DSCAM: variants seen among roughly 807,000 people sequenced by gnomAD.
DSCAM encodes DS cell adhesion molecule, also known as cell adhesion molecule DSCAM.
In DSCAM, 47 loss-of-function variants were observed where a neutral mutation model predicts 217.7. The observed-to-expected ratio is 0.22, with a 90% CI of 0.17 to 0.28. The LOEUF (loss-of-function observed/expected upper bound fraction) is 0.28, where lower values mean the gene tolerates loss of function less well. Ranked by LOEUF, DSCAM falls within the 10% of genes least tolerant of loss-of-function variation. The pLI is 1.00. For synonymous variants in DSCAM, 1,056 were observed against 1,015.3 expected (o/e 1.04, Z -0.76); for missense variants, 2,080 against 2,618.3 (o/e 0.79, Z 4.49).
chr21:40,690,214 G>A (rs1198094241), intron 3 of DSCAM, among the ~76,000 whole-genome samples: 3 of 152,194 alleles, frequency 2.0e-5, no homozygotes, highest in Non-Finnish European at 4.4e-5. Flanking sequence ...GCTGATGGGT[G>A]GAGCTCAGAC....
chr21:40,376,190 G>A (rs1364380483), intron 3 of DSCAM, among the ~76,000 whole-genome samples: 1 of 152,092 alleles, frequency 6.6e-6, no homozygotes, highest in African/African-American at 2.4e-5. Flanking sequence ...GCACAAGCAC[G>A]ATGAAGCTTT....
intron 11 of DSCAM, among the ~76,000 whole-genome samples, chr21:40,217,859 GGTTT>G (rs755386809): frequency 2.0e-5 from 3 of 151,676 alleles, no homozygotes; most frequent in Non-Finnish European, 2.9e-5. Context: ...TTAATGGGGT[GGTTT>G]GTTTTTTTCT....
At chr21:40,724,912 ATTTC>A (rs1282579840) in intron 1 of DSCAM, among the ~76,000 whole-genome samples, 7 of 152,188 alleles carry the variant, frequency 4.6e-5, no homozygotes, top group African/African-American at 1.7e-4. Flanking sequence ...GTTTTAAGTA[ATTTC>A]TTTCTTCATG....
intron 11 of DSCAM, among the ~76,000 whole-genome samples, chr21:40,251,781 T>G (rs911590629): frequency 2.6e-5 from 4 of 152,200 alleles, no homozygotes; most frequent in African/African-American, 9.7e-5. Flanking sequence ...CTTGATAAGC[T>G]CACATGATAT....
intron 1 of DSCAM, among the ~76,000 whole-genome samples, chr21:40,721,844 T>C (rs899184041): frequency 6.6e-6 from 1 of 151,960 alleles, no homozygotes; most frequent in East Asian, 1.9e-4. Flanking sequence ...CAGAAGCATG[T>C]AGAAAACCAC....
chr21:40,220,283 T>C (rs987772858), intron 11 of DSCAM, among the ~76,000 whole-genome samples: 1 of 152,204 alleles, frequency 6.6e-6, no homozygotes, highest in African/African-American at 2.4e-5. Context: ...CTCGAGTGGC[T>C]ATTTCCAAAC....
At position 40,617,596 on chromosome 21, in the gene DSCAM, T is replaced by C. The variant is rs113625173; in HGVS notation, c.508+75214A>G. Among the ~76,000 whole-genome samples the C allele has an allele frequency of 5.8e-3, 885 of 152,246 alleles. 10 individuals are homozygous for C. Among genetic ancestry groups the C allele is most frequent in the African/African-American group, 0.019 (788 of 41,542 alleles). ...AGCTTGGCGCTGTAGACATTTGGAG[T>C]CAGACAATTGTTTTTCGTGGGAACA... On this transcript the variant is annotated intron_variant, in intron 3 of 32. Transcript: ENST00000400454.
chr21:40,146,188 C>T (rs2090354735), intron 16 of DSCAM, among the ~76,000 whole-genome samples: 1 of 148,578 alleles, frequency 6.7e-6, no homozygotes, highest in Non-Finnish European at 1.5e-5. Context: ...AAGTGAAGGC[C>T]AGCAGGCATC....
chr21:40,838,935 G>A (rs548076256), intron 1 of DSCAM, among the ~76,000 whole-genome samples: 1 of 152,238 alleles, frequency 6.6e-6, no homozygotes, highest in South Asian at 2.1e-4. Flanking sequence ...AAGCCCACTT[G>A]GAACCAGGAA....
intron 11 of DSCAM, among the ~76,000 whole-genome samples, chr21:40,195,679 G>C (rs955769761): frequency 2.6e-5 from 4 of 152,278 alleles, no homozygotes; most frequent in Non-Finnish European, 5.9e-5. Context: ...AGAGGAGGGT[G>C]TGGAGCCAAG....
chr21:40,076,552 A>G (rs2089368676), intron 26 of DSCAM, among the ~76,000 whole-genome samples: 1 of 152,234 alleles, frequency 6.6e-6, no homozygotes, highest in Non-Finnish European at 1.5e-5. Context: ...TCTTAGTGTA[A>G]TAAAGTGATT....
intron 10 of DSCAM, among the ~76,000 whole-genome samples, chr21:40,287,167 G>A (rs2073838907): frequency 6.6e-6 from 1 of 152,130 alleles, no homozygotes; most frequent in African/African-American, 2.4e-5. Flanking sequence ...GATCCACAGT[G>A]TGATCTGCAG....
At position 40,800,436 on chromosome 21, in the gene DSCAM, G is replaced by T. The variant is rs959411333; in HGVS notation, c.43+46183C>A. Among the ~76,000 whole-genome samples, 56 of 152,140 alleles carry T rather than the reference G, an allele frequency of 3.7e-4. 1 individual carries two copies. Among genetic ancestry groups the T allele is most frequent in the Admixed American group, 4.6e-4 (7 of 15,286 alleles). ...ATTCTGGTGAGGGCTTAGAAGGCAA[G>T]AAAACTAAGGGAAGTTTGTAACTCC... is the stretch of plus-strand genomic sequence containing the variant. On this transcript the variant is annotated intron_variant, in intron 1 of 32. Transcript: ENST00000400454.
intron 3 of DSCAM, among the ~76,000 whole-genome samples, chr21:40,566,375 A>C (rs1601749803): frequency 6.6e-6 from 1 of 152,206 alleles, no homozygotes; most frequent in East Asian, 1.9e-4. Flanking sequence ...AGAGAATCCC[A>C]TGTGATCTAC....
At chr21:40,557,628 C>T (rs2076682568) in intron 3 of DSCAM, among the ~76,000 whole-genome samples, 1 of 152,186 alleles carries the variant, frequency 6.6e-6, no homozygotes, top group Non-Finnish European at 1.5e-5. Flanking sequence ...AGCCACCATG[C>T]CCAGCTGCTT....
intron 10 of DSCAM, among the ~76,000 whole-genome samples, chr21:40,285,879 G>A (rs951547241): frequency 1.3e-5 from 2 of 152,160 alleles, no homozygotes; most frequent in East Asian, 1.9e-4. Context: ...GGAAATCGGG[G>A]TGCTGGGTGA....
rs2089700583 is a variant in DSCAM at position 40,097,959 on chromosome 21, AAAGAAAGAAAGAAAGAAAG to A, written c.3697-4104_3697-4086del. On this transcript the variant is annotated intron_variant, in intron 20 of 32. Transcript: ENST00000400454. ...CTGTCTCAAAAAAAAAAAAAAAAAG[AAAGAAAGAAAGAAAGAAAG>A]AAAGAAAGAAAGAAAGAAAGAAAGA... is the stretch of plus-strand genomic sequence containing the variant. 5.3e-4 allele frequency among the ~76,000 whole-genome samples: 14 copies of A among 26,550 alleles called. 1 individual carries two copies. Among genetic ancestry groups the A allele is most frequent in the African/African-American group, 3.4e-3 (12 of 3,570 alleles). 17.4% of individuals were successfully genotyped at this position (26,550 alleles called of 152,430 possible).
intron 3 of DSCAM, among the ~76,000 whole-genome samples, chr21:40,656,734 C>T (rs1323680368): frequency 6.6e-6 from 1 of 152,120 alleles, no homozygotes; most frequent in African/African-American, 2.4e-5. Context: ...TTACATACAA[C>T]ATATGGACAA....
intron 3 of DSCAM, among the ~76,000 whole-genome samples, chr21:40,477,674 G>A (rs577186550): frequency 2.0e-5 from 3 of 152,142 alleles, no homozygotes; most frequent in East Asian, 3.9e-4. Flanking sequence ...ACACTGAGAG[G>A]TCTGCTTTTC....
Sources: allele counts gnomAD v4.1 joint callset (sites outside exome capture counted in the v4.1 genomes callset), GRCh38; gene constraint gnomAD v4.1.1; transcripts MANE v1.5; gene names NCBI Gene and HGNC (gene_info 2026-07-23, HGNC 2026-07-21).